The following ZNF484 variants were observed in gnomAD, a reference collection of about 807,000 sequenced individuals.
The protein encoded by ZNF484 is KRAB box containing C2H2 type zinc finger bA526D8.4.
ZNF484 carries 11 observed loss-of-function variants against 12.9 expected under a neutral mutation model. The ratio of observed to expected loss-of-function variants is 0.85; its 90% CI spans 0.54 to 1.41. The LOEUF is 1.41. Ranked by LOEUF, ZNF484 falls within the 40% of genes most tolerant of loss-of-function variation. ZNF484 has a pLI of 0.00. For missense variants in ZNF484, 807 were observed against 1,007.7 expected, an observed-to-expected ratio of 0.80 and a Z score of 2.70; for synonymous variants, 289 against 334.1, an observed-to-expected ratio of 0.86 and a Z score of 1.47.
In ZNF484 at chr9:92,846,330, G is replaced by T; in HGVS notation, c.2457C>A (p.Leu819=). The T allele has an allele frequency of 6.2e-7, 1 of 1,614,154 alleles. No homozygotes were observed. Among genetic ancestry groups the T allele is most frequent in the Non-Finnish European group, 8.5e-7 (1 of 1,180,002 alleles). ...CATTGTCAGATTTCTGAGGCATACTGAGTTGTGGCTTCCAGTTTAAGGCTT... is the reference window on the plus strand; with the variant it reads ...CATTGTCAGATTTCTGAGGCATACTTAGTTGTGGCTTCCAGTTTAAGGCTT... The part of the protein sequence containing the change: ...LGKALNWKPQ[L]SMPQKSDNGE... The change falls in exon 5 of 5, where the codon CTC becomes CTA. Residue 819 remains leucine, a synonymous_variant. Coordinates refer to ENST00000375495, the MANE Select transcript of ZNF484 (RefSeq NM_031486.4).
At chr9:92,873,202 G>A (rs1857566456) in intron 2 of ZNF484, among the ~76,000 whole-genome samples, 1 of 152,176 alleles carries the variant, frequency 6.6e-6, no homozygotes, top group African/African-American at 2.4e-5. Flanking sequence ...AGCACATAGT[G>A]AGAATCTGGT....
chr9:92,876,623 GTTTTTC>G (rs963294129), intron 1 of ZNF484, among the ~76,000 whole-genome samples: 22 of 151,988 alleles, frequency 1.4e-4, no homozygotes, highest in Non-Finnish European at 2.8e-4. Context: ...GTTAAAAAGT[GTTTTTC>G]TTTTTTCTTT....
Position 92,848,630 on chromosome 9 carries a change from G to C in ZNF484, c.236-79C>G. 1.5e-6 allele frequency: 2 copies of C among 1,353,804 alleles called. No homozygotes were observed. Among genetic ancestry groups the C allele is most frequent in the African/African-American group, 2.9e-5 (2 of 68,088 alleles). 83.9% of individuals were successfully genotyped at this position (1,353,804 alleles called of 1,614,324 possible). ...AGGCCAGGTGCGGTGGCTCATGCCT[G>C]TAATCCTAGCACTTTGGGAGGCTGA... On this transcript the variant is annotated intron_variant, in intron 4 of 4. Coordinates refer to ENST00000375495, the MANE Select transcript of ZNF484 (RefSeq NM_031486.4). The surrounding 1 kb of genome is among the most constrained non-coding windows in gnomAD (Gnocchi z 4.1).
chr9:92,878,011 T>A lies in ZNF484; in HGVS notation c.-152A>T. 1 of 723,310 alleles carries A rather than the reference T, an allele frequency of 1.4e-6. No individual in the cohort carries two copies. The highest frequency in any genetic ancestry group is 2.9e-5 in the East Asian group (1 of 34,306). The allele number at this position is 723,310 out of a possible 1,614,324, so 44.8% of individuals were successfully genotyped here. ...AATGCCTCCCAGGCCTAGAGGTACT[T>A]CTTACAGCGCTGCCTGGGTTTGCGC... is the stretch of plus-strand genomic sequence containing the variant. On this transcript the variant is annotated 5_prime_UTR_variant, in exon 1 of 5. The change creates a premature stop within an existing upstream ORF in the 5' untranslated region. Coordinates refer to ENST00000375495, the MANE Select transcript of ZNF484 (RefSeq NM_031486.4).
At chr9:92,863,460 A>G (rs1052221338) in intron 2 of ZNF484, among the ~76,000 whole-genome samples, 4 of 152,298 alleles carry the variant, frequency 2.6e-5, no homozygotes, top group Admixed American at 1.3e-4. Flanking sequence ...AACAGCAGGG[A>G]GAATACATTT....
At chr9:92,876,052 A>AAGT (rs10637390) in intron 1 of ZNF484, among the ~76,000 whole-genome samples, 76,997 of 151,678 alleles carry the variant, frequency 0.51, 20,656 homozygotes, top group African/African-American at 0.7. Flanking sequence ...ACACTGGAAG[A>AAGT]AGTCCAAATA....
intron 2 of ZNF484, among the ~76,000 whole-genome samples, chr9:92,869,338 C>T (rs1157161529): frequency 6.6e-6 from 1 of 152,116 alleles, no homozygotes; most frequent in Non-Finnish European, 1.5e-5. Context: ...ACAAAAAGCA[C>T]TGCATAAAAA....
At chr9:92,855,784 C>T (rs1372537589) in intron 4 of ZNF484, 27 bp downstream of exon 4, 38 of 1,607,252 alleles carry the variant, frequency 2.4e-5, no homozygotes, top group Non-Finnish European at 3.2e-5. Flanking sequence ...GTCATACTGT[C>T]TACCATGCTC....
intron 2 of ZNF484, among the ~76,000 whole-genome samples, chr9:92,860,566 T>C (rs1313736566): frequency 7.2e-6 from 1 of 139,444 alleles, no homozygotes; most frequent in East Asian, 2.1e-4. Flanking sequence ...ATCACACCAG[T>C]GCACTCCAGC....
At chr9:92,871,475 AAG>A (rs1049097523) in intron 2 of ZNF484, among the ~76,000 whole-genome samples, 85 of 152,286 alleles carry the variant, frequency 5.6e-4, no homozygotes, top group African/African-American at 2.0e-3. Flanking sequence ...GAGTTCCAGA[AAG>A]AGAAAAAGAA....
At chr9:92,870,873 A>G (rs1478583571) in intron 2 of ZNF484, among the ~76,000 whole-genome samples, 1 of 152,222 alleles carries the variant, frequency 6.6e-6, no homozygotes, top group East Asian at 1.9e-4. Flanking sequence ...CTCTCCCCAC[A>G]GACTGTCAAC....
intron 2 of ZNF484, among the ~76,000 whole-genome samples, chr9:92,869,859 A>C (rs1473520530): frequency 2.0e-5 from 3 of 152,246 alleles, no homozygotes; most frequent in Non-Finnish European, 4.4e-5. Context: ...AAGAAACCAC[A>C]AAGAACAATT....
chr9:92,859,619 C>G (rs1856663199), intron 2 of ZNF484, among the ~76,000 whole-genome samples: 1 of 152,108 alleles, frequency 6.6e-6, no homozygotes, highest in Admixed American at 6.5e-5. Flanking sequence ...TTCAGAAGTA[C>G]CCAAGAACAC....
At chr9:92,863,985 C>T (rs969544268) in intron 2 of ZNF484, among the ~76,000 whole-genome samples, 3 of 152,148 alleles carry the variant, frequency 2.0e-5, no homozygotes, top group Non-Finnish European at 2.9e-5. Context: ...ACTGAGAAAT[C>T]GGACAGAGCC....
chr9:92,847,670 T>C lies in ZNF484; in HGVS notation c.1117A>G (p.Ile373Val). 6.2e-7 allele frequency: 1 copy of C among 1,613,506 alleles called. No individual in the cohort carries two copies. Among genetic ancestry groups the C allele is most frequent in the Non-Finnish European group, 8.5e-7 (1 of 1,179,942 alleles). Residue 373 changes from isoleucine to valine, a missense_variant, in exon 5 of 5, where the codon ATA (isoleucine) becomes GTA (valine). Ile to Val is a conservative substitution (Grantham distance 29). Coordinates refer to ENST00000375495, the MANE Select transcript of ZNF484 (RefSeq NM_031486.4). ...KNLPQNSNLNIHKKIHTGGKH... is the reference protein window; with the variant it reads ...KNLPQNSNLNVHKKIHTGGKH... ...CCTCCAGTATGAATTTTTTTATGTA[T>C]ATTAAGGTTTGAATTCTGAGGGAGG...
intron 4 of ZNF484, among the ~76,000 whole-genome samples, chr9:92,849,215 C>T (rs1167025437): frequency 5.3e-5 from 8 of 151,460 alleles, no homozygotes; most frequent in Admixed American, 3.3e-4. Context: ...GAGCCGAGAT[C>T]TTGCCATTGC....
At position 92,845,815 on chromosome 9, in the gene ZNF484, CCTTT is replaced by C. The variant is rs1318702298; in HGVS notation, c.*409_*412del. ...AAGAAAATTTTAAAAAAAGTAGAGT[CCTTT>C]CTTTCTGTCTTTAGTGTTTTCACAA... On this transcript the variant is annotated 3_prime_UTR_variant, in exon 5 of 5. Transcript: ENST00000375495. The surrounding 1 kb of genome is among the most constrained non-coding windows in gnomAD (Gnocchi z 4.0). The C allele has an allele frequency of 6.3e-6, 1 of 159,474 alleles. No homozygotes were observed. Among genetic ancestry groups the C allele is most frequent in the Non-Finnish European group, 1.4e-5 (1 of 73,172 alleles). The allele number at this position is 159,474 out of a possible 1,614,324, so 9.9% of individuals were successfully genotyped here.
At chr9:92,877,277 A>T (rs1044238055) in intron 1 of ZNF484, among the ~76,000 whole-genome samples, 1 of 152,074 alleles carries the variant, frequency 6.6e-6, no homozygotes, top group African/African-American at 2.4e-5. Context: ...AAAAAAATTA[A>T]TATTAAAAGA....
intron 2 of ZNF484, among the ~76,000 whole-genome samples, chr9:92,865,026 C>CAGAG (rs1160912599): frequency 1.3e-5 from 2 of 151,902 alleles, no homozygotes; most frequent in East Asian, 3.9e-4. Flanking sequence ...CACACACACA[C>CAGAG]ACAGAGAGAG....
Sources: allele counts gnomAD v4.1 joint callset (sites outside exome capture counted in the v4.1 genomes callset), GRCh38; gene constraint gnomAD v4.1.1; non-coding constraint Gnocchi (gnomAD v3.1); transcripts MANE v1.5; gene names NCBI Gene and HGNC (gene_info 2026-07-23, HGNC 2026-07-21).